Variants in CPS1 observed in about 807,000 individuals in gnomAD.
CPS1 encodes the protein carbamoyl-phosphate synthase [ammonia], mitochondrial.
In CPS1, 109 loss-of-function variants were observed where a neutral mutation model predicts 174.6. That is an observed-to-expected ratio of 0.62 (90% CI 0.53 to 0.73). The LOEUF (loss-of-function observed/expected upper bound fraction) is 0.73, where lower values mean the gene tolerates loss of function less well. CPS1 is among the 30% of genes least tolerant of loss of function. CPS1 has a pLI of 0.00. For missense variants in CPS1, 1,689 were observed against 1,821.9 expected (o/e 0.93, Z 1.33); for synonymous variants, 637 against 632.0 (o/e 1.01, Z -0.12).
At chr2:210,553,113 A>T (rs1339086971), upstream of CPS1, among the ~76,000 whole-genome samples, 1 of 151,720 alleles carries the variant, frequency 6.6e-6, no homozygotes, top group East Asian at 1.9e-4. Context: ...GTAATCATTT[A>T]AAGTAATGTT....
chr2:210,478,948 T>TCCCC (rs1559727521), intron 1 of CPS1, among the ~76,000 whole-genome samples: 1 of 80,210 alleles, frequency 1.2e-5, no homozygotes, highest in Admixed American at 1.9e-4. Context: ...CTTCCCTCCC[T>TCCCC]CCCTCCCTGC....
rs2106079420 is a variant in CPS1 at position 210,576,352 on chromosome 2, A to G, written c.243A>G (p.Pro81=). Residue 81 remains proline (P), a synonymous_variant, in exon 3 of 38, where the codon CCA becomes CCG. Coordinates refer to ENST00000233072, the MANE Select transcript of CPS1 (RefSeq NM_001875.5). The stretch of plus-strand genomic sequence containing the variant: ...TTTTGGCATGTTTACCCAGGTACCC[A>G]GAAGCTATTACTGACCCTGCCTACA... The part of the protein sequence containing the change: ...VVFNTGLGGY[P]EAITDPAYKG... The G allele has an allele frequency of 6.2e-7, 1 of 1,613,668 alleles. No individual in the cohort carries two copies.
At chr2:210,483,466 A>G (rs1694631296) in intron 1 of CPS1, among the ~76,000 whole-genome samples, 1 of 152,202 alleles carries the variant, frequency 6.6e-6, no homozygotes, top group Non-Finnish European at 1.5e-5. Context: ...CAAGGTCACC[A>G]TCACGTGAGT....
intron 1 of CPS1, among the ~76,000 whole-genome samples, chr2:210,504,565 T>C (rs1372413541): frequency 6.6e-6 from 1 of 152,194 alleles, no homozygotes; most frequent in African/African-American, 2.4e-5. Flanking sequence ...TGAGCCAAGC[T>C]CTGATTCCAG....
intron 21 of CPS1, among the ~76,000 whole-genome samples, chr2:210,636,818 T>C (rs116447870): frequency 0.011 from 1,613 of 152,234 alleles, 23 homozygotes; most frequent in African/African-American, 0.037. Flanking sequence ...GTAAAAGGAA[T>C]GTTAAAGGTA....
chr2:210,628,856 CAAAG>C (rs1328701226), intron 21 of CPS1, among the ~76,000 whole-genome samples: 3 of 151,574 alleles, frequency 2.0e-5, no homozygotes, highest in African/African-American at 7.3e-5. Flanking sequence ...TTCTAGAAGT[CAAAG>C]AAAGATATAT....
At chr2:210,541,640 A>C (rs1216227066) in intron 1 of CPS1, among the ~76,000 whole-genome samples, 1 of 152,182 alleles carries the variant, frequency 6.6e-6, no homozygotes, top group Non-Finnish European at 1.5e-5. Context: ...TAAGCCCTAA[A>C]AAACAAAGCA....
intron 21 of CPS1, among the ~76,000 whole-genome samples, chr2:210,621,066 C>G (rs1404673896): frequency 5.3e-5 from 8 of 152,068 alleles, no homozygotes; most frequent in Admixed American, 5.2e-4. Flanking sequence ...AAAAAAAGAT[C>G]TCTTTCCTGT....
chr2:210,569,969 T>C (rs1697423217), intron 1 of CPS1, among the ~76,000 whole-genome samples: 3 of 147,390 alleles, frequency 2.0e-5, no homozygotes, highest in African/African-American at 8.0e-5. Flanking sequence ...AAATATCTTA[T>C]GATAGTAACA....
At chr2:210,558,325 G>A (rs902499253) in intron 1 of CPS1, among the ~76,000 whole-genome samples, 1 of 151,974 alleles carries the variant, frequency 6.6e-6, no homozygotes, top group African/African-American at 2.4e-5. Context: ...GGCACTGGGA[G>A]CAGTCACTAA....
chr2:210,603,747 A>G (rs1474316936), intron 16 of CPS1, among the ~76,000 whole-genome samples: 1 of 151,686 alleles, frequency 6.6e-6, no homozygotes, highest in Non-Finnish European at 1.5e-5. Flanking sequence ...AGTCCCTTAA[A>G]TGGTTTTTCT....
At chr2:210,584,970 TGAA>T (rs1171039101) in intron 6 of CPS1, among the ~76,000 whole-genome samples, 1 of 152,104 alleles carries the variant, frequency 6.6e-6, no homozygotes, top group Admixed American at 6.6e-5. Flanking sequence ...CCTTCTCGCC[TGAA>T]GAAGTCAGTT....
intron 15 of CPS1, 109 bp downstream of exon 15, chr2:210,600,821 A>G: frequency 8.2e-7 from 1 of 1,219,174 alleles, no homozygotes; most frequent in Non-Finnish European, 1.2e-6. Flanking sequence ...ACTTGCATGC[A>G]TTTTCTTCTA....
chr2:210,610,012 G>C (rs924485642), intron 19 of CPS1, among the ~76,000 whole-genome samples: 11 of 151,892 alleles, frequency 7.2e-5, no homozygotes, highest in African/African-American at 2.7e-4. Flanking sequence ...AAATTAAAAT[G>C]TCTTACTAGT....
At chr2:210,658,525 T>C in intron 30 of CPS1, 74 bp from the exon 31 acceptor site, 1 of 1,124,598 alleles carries the variant, frequency 8.9e-7, no homozygotes, top group Non-Finnish European at 1.4e-6. Context: ...TTTAAGGTAC[T>C]GTGCCTTTTA....
chr2:210,581,397 C>T (rs10165443), intron 5 of CPS1, among the ~76,000 whole-genome samples: 90,783 of 151,990 alleles, frequency 0.6, 27,596 homozygotes, highest in African/African-American at 0.7. Flanking sequence ...ACAGACAAAA[C>T]AGTATTGCCT....
intron 34 of CPS1, among the ~76,000 whole-genome samples, chr2:210,668,519 G>C (rs573038070): frequency 6.6e-6 from 1 of 152,230 alleles, no homozygotes; most frequent in African/African-American, 2.4e-5. Context: ...CTAGTGAAGG[G>C]ATATTTGTTC....
chr2:210,498,703 G>T (rs967684811), intron 1 of CPS1, among the ~76,000 whole-genome samples: 2 of 152,082 alleles, frequency 1.3e-5, no homozygotes, highest in Non-Finnish European at 2.9e-5. Context: ...AACCTTTCTG[G>T]CCCCAAGTTC....
At chr2:210,630,709 A>G (rs904069824) in intron 21 of CPS1, among the ~76,000 whole-genome samples, 2 of 152,170 alleles carry the variant, frequency 1.3e-5, no homozygotes, top group Non-Finnish European at 2.9e-5. Context: ...GGGTTTTTAT[A>G]CTTTGCTTTT....
Sources: gnomAD v4.1 joint callset for allele counts (sites outside exome capture counted in the v4.1 genomes callset) on GRCh38, gnomAD v4.1.1 for gene constraint, MANE v1.5 for transcripts, NCBI Gene and HGNC (gene_info 2026-07-23, HGNC 2026-07-21) for gene names.